Variants in CPEB1 observed in about 807,000 individuals in gnomAD.
CPEB1 encodes the protein cytoplasmic polyadenylation element binding protein 1.
CPEB1 carries 7 observed loss-of-function variants against 65.8 expected under a neutral mutation model. That is an observed-to-expected ratio of 0.11 (90% CI 0.06 to 0.20). The LOEUF (loss-of-function observed/expected upper bound fraction) is 0.20. Among genes scored for constraint, CPEB1 ranks in the 10% least tolerant of loss-of-function variants. The pLI is 1.00. For synonymous variants in CPEB1, 262 were observed against 260.0 expected, an observed-to-expected ratio of 1.01 and a Z score of -0.08; for missense variants, 551 against 712.2, an observed-to-expected ratio of 0.77 and a Z score of 2.58.
rs1313443309 is a variant in CPEB1, at chr15:82,543,944, C to T, written c.*648G>A. On this transcript the variant is annotated 3_prime_UTR_variant, in exon 13 of 13. Transcript: ENST00000684509. ...GCCAGGAAAGAAAAAATATCTTGTT[C>T]CAAACGACTTAAAAACTGTTTTAAG... The T allele has an allele frequency of 2.0e-5, 3 of 152,342 alleles. No homozygotes were observed. The East Asian group carries it at 5.8e-4, about 29-fold the overall frequency. The allele number at this position is 152,342 out of a possible 1,614,324, so 9.4% of individuals were successfully genotyped here. A position where few individuals can be genotyped will look rare whatever the true frequency, so the allele number is the denominator to read the frequency against.
At chr15:82,573,097 G>T in intron 3 of CPEB1, 6 of 1,535,586 alleles carry the variant, frequency 3.9e-6, no homozygotes, top group Non-Finnish European at 5.2e-6. Context: ...ATGCCCACCT[G>T]GGACCTCCCA....
intron 1 of CPEB1, among the ~76,000 whole-genome samples, chr15:82,632,379 T>G (rs1450801569): frequency 6.6e-6 from 1 of 152,226 alleles, no homozygotes; most frequent in Non-Finnish European, 1.5e-5. Context: ...AAATTTTGAC[T>G]GTGTTTTAAC....
chr15:82,640,203 C>T (rs180683089), intron 1 of CPEB1, among the ~76,000 whole-genome samples: 48 of 152,218 alleles, frequency 3.2e-4, no homozygotes, highest in Admixed American at 9.2e-4. Flanking sequence ...TGGTCCAGAC[C>T]AGAATTGAAC....
intron 4 of CPEB1, among the ~76,000 whole-genome samples, chr15:82,561,155 A>G (rs1446852035): frequency 6.6e-6 from 1 of 152,246 alleles, no homozygotes; most frequent in Non-Finnish European, 1.5e-5. Flanking sequence ...GGCAAGGTCC[A>G]GAGTATGGTA....
At chr15:82,599,612 C>G (rs2042937864) in intron 3 of CPEB1, among the ~76,000 whole-genome samples, 1 of 152,158 alleles carries the variant, frequency 6.6e-6, no homozygotes, top group Non-Finnish European at 1.5e-5. Context: ...CATTTTTAGT[C>G]TATGATGGAA....
rs553850184 is a variant in CPEB1, at chr15:82,573,624, G to A, written c.272-2092C>T. Among the ~76,000 whole-genome samples, 3 of 152,152 alleles carry A rather than the reference G, an allele frequency of 2.0e-5. No individual in the cohort carries two copies. The East Asian group carries it at 5.8e-4, about 29-fold the overall frequency. On this transcript the variant is annotated intron_variant, in intron 3 of 12. Transcript: ENST00000684509. ...TCTACCCATTAAAATCAGGGTGACTGTGCATATGATTACCCCCATCCCTCA... is the reference window on the plus strand; with the variant it reads ...TCTACCCATTAAAATCAGGGTGACTATGCATATGATTACCCCCATCCCTCA...
At chr15:82,584,251 T>C (rs2041559638) in intron 3 of CPEB1, among the ~76,000 whole-genome samples, 2 of 78,426 alleles carry the variant, frequency 2.6e-5, no homozygotes, top group Non-Finnish European at 2.2e-5. Flanking sequence ...ACAGCGAGAC[T>C]CCGTCTCAAA....
intron 4 of CPEB1, 69 bp downstream of exon 4, chr15:82,571,275 C>T (rs1381752282): frequency 6.5e-7 from 1 of 1,544,640 alleles, no homozygotes; most frequent in Non-Finnish European, 8.7e-7. Context: ...ACAACTGTTG[C>T]TGTGGATATC....
chr15:82,588,364 G>C (rs565880792), intron 3 of CPEB1, among the ~76,000 whole-genome samples: 1 of 152,220 alleles, frequency 6.6e-6, no homozygotes, highest in South Asian at 2.1e-4. Flanking sequence ...CCCTACCCCA[G>C]AGATACCTTT....
chr15:82,602,301 G>A (rs1223549756), intron 3 of CPEB1, among the ~76,000 whole-genome samples: 4 of 152,116 alleles, frequency 2.6e-5, no homozygotes. Flanking sequence ...TCAACTAAAT[G>A]ATAATTAAAA....
At chr15:82,603,844 C>A (rs571790922) in intron 3 of CPEB1, among the ~76,000 whole-genome samples, 30 of 152,278 alleles carry the variant, frequency 2.0e-4, no homozygotes, top group Admixed American at 3.3e-4. Context: ...AAACAAGAAC[C>A]CTTCAGCCTG....
intron 3 of CPEB1, among the ~76,000 whole-genome samples, chr15:82,625,226 A>C (rs2045654866): frequency 6.6e-6 from 1 of 152,178 alleles, no homozygotes; most frequent in Non-Finnish European, 1.5e-5. Flanking sequence ...ACTCAGCGTA[A>C]ACTAAAAGAG....
At chr15:82,582,386 T>C (rs2041363798) in intron 3 of CPEB1, among the ~76,000 whole-genome samples, 2 of 152,160 alleles carry the variant, frequency 1.3e-5, no homozygotes, top group South Asian at 4.1e-4. Context: ...TGGCACCAGC[T>C]AAGAAAGTCA....
At chr15:82,555,761 A>G in intron 6 of CPEB1, 109 bp downstream of exon 6, 2 of 1,186,792 alleles carry the variant, frequency 1.7e-6, no homozygotes, top group Non-Finnish European at 2.3e-6. Flanking sequence ...AGACTTCACC[A>G]TGCAACCAAG....
intron 3 of CPEB1, among the ~76,000 whole-genome samples, chr15:82,586,390 A>G (rs1168276190): frequency 6.6e-6 from 1 of 152,198 alleles, no homozygotes; most frequent in African/African-American, 2.4e-5. Flanking sequence ...AAAAGAAAGA[A>G]TACTCTAAAA....
intron 3 of CPEB1, among the ~76,000 whole-genome samples, chr15:82,596,208 C>T (rs2042651507): frequency 6.6e-6 from 1 of 152,016 alleles, no homozygotes; most frequent in African/African-American, 2.4e-5. Context: ...CTAAAGCTCA[C>T]GAAAAATAAA....
At chr15:82,554,577 A>G (rs1209283353) in intron 6 of CPEB1, among the ~76,000 whole-genome samples, 4 of 152,166 alleles carry the variant, frequency 2.6e-5, no homozygotes, top group Non-Finnish European at 5.9e-5. Flanking sequence ...CAAATAGACA[A>G]TGGGCCTTCC....
chr15:82,640,479 A>C (rs1011248600), intron 1 of CPEB1, among the ~76,000 whole-genome samples: 1 of 152,108 alleles, frequency 6.6e-6, no homozygotes, highest in Admixed American at 6.6e-5. Flanking sequence ...GCCCTGTTTC[A>C]TATCTCCTTG....
At chr15:82,617,871 C>A (rs2044894604) in intron 3 of CPEB1, among the ~76,000 whole-genome samples, 1 of 148,568 alleles carries the variant, frequency 6.7e-6, no homozygotes, top group African/African-American at 2.5e-5. Context: ...GTAGCTGGGA[C>A]TACAGGCGCC....
Sources: gnomAD v4.1 joint callset for allele counts (sites outside exome capture counted in the v4.1 genomes callset) on GRCh38, gnomAD v4.1.1 for gene constraint, MANE v1.5 for transcripts, NCBI Gene and HGNC (gene_info 2026-07-23, HGNC 2026-07-21) for gene names.